The following STAMBPL1 variants were observed in gnomAD, a reference collection of about 807,000 sequenced individuals.
STAMBPL1 encodes the protein STAM binding protein like 1.
Under a neutral mutation model 52.9 loss-of-function variants are expected in STAMBPL1, and 44 were observed. That is an observed-to-expected ratio of 0.83 (90% CI 0.65 to 1.07). The LOEUF is 1.07. Among genes scored for constraint, STAMBPL1 ranks in the 50% least tolerant of loss-of-function variants. The pLI is 0.00. For missense variants in STAMBPL1, 511 were observed against 520.8 expected (o/e 0.98, Z 0.18); for synonymous variants, 164 against 177.3 (o/e 0.92, Z 0.60).
chr10:88,891,679 A>G (rs1589353314), intron 1 of STAMBPL1, among the ~76,000 whole-genome samples: 1 of 152,158 alleles, frequency 6.6e-6, no homozygotes, highest in African/African-American at 2.4e-5. Context: ...TTGCCAAAAA[A>G]ATGCATAACT....
chr10:88,899,621 T>C (rs1423658503), intron 1 of STAMBPL1, among the ~76,000 whole-genome samples: 2 of 152,190 alleles, frequency 1.3e-5, no homozygotes, highest in Admixed American at 6.5e-5. Flanking sequence ...GCAATTCTCC[T>C]GCCTCAGCCT....
intron 1 of STAMBPL1, among the ~76,000 whole-genome samples, chr10:88,892,038 C>T (rs2133134629): frequency 6.6e-6 from 1 of 151,694 alleles, no homozygotes; most frequent in South Asian, 2.1e-4. Context: ...AAAAAGGTGT[C>T]TTATAGAATA....
At position 88,905,603 on chromosome 10, in the gene STAMBPL1, T is replaced by G. The variant is rs1265387229; in HGVS notation, c.191T>G (p.Val64Gly). 6.2e-7 allele frequency: 1 copy of G among 1,614,114 alleles called. No individual in the cohort carries two copies. The highest frequency in any genetic ancestry group is 2.2e-5 in the East Asian group (1 of 44,878). The change falls in exon 3 of 11, where the codon GTG (valine) becomes GGG (glycine). Residue 64 changes from valine (V) to glycine (G), a missense_variant. By Grantham distance (109) the Val-to-Gly change is moderately radical. Transcript: ENST00000371926. ...GTAGAGATGGAGAGGATGGCGTCTG[T>G]GTATTTGGAAGAAGGAAATTTGGAA... Reference protein sequence around the residue: ...SGVEMERMASVYLEEGNLENA... With the variant: ...SGVEMERMASGYLEEGNLENA...
chr10:88,884,543 G>A (rs1245663810), intron 1 of STAMBPL1, among the ~76,000 whole-genome samples: 1 of 152,170 alleles, frequency 6.6e-6, no homozygotes, highest in Non-Finnish European at 1.5e-5. Context: ...CATTGAGATG[G>A]AGAAAAGAAA....
intron 8 of STAMBPL1, 115 bp from the exon 9 acceptor site, chr10:88,921,168 C>T (rs954647123): frequency 2.7e-6 from 2 of 734,406 alleles, no homozygotes; most frequent in Middle Eastern, 2.8e-4. Context: ...TTTAAAAATC[C>T]TTATTTGATT....
At chr10:88,889,844 T>A (rs1347013254) in intron 1 of STAMBPL1, among the ~76,000 whole-genome samples, 1 of 152,230 alleles carries the variant, frequency 6.6e-6, no homozygotes, top group Non-Finnish European at 1.5e-5. Context: ...CTTTCTGGGA[T>A]CATACATTGA....
At chr10:88,917,118 G>C (rs899659840) in intron 8 of STAMBPL1, among the ~76,000 whole-genome samples, 36 of 152,224 alleles carry the variant, frequency 2.4e-4, no homozygotes, top group African/African-American at 8.4e-4. Flanking sequence ...AAAAGACATA[G>C]AAAGAAAGCG....
intron 5 of STAMBPL1, 70 bp downstream of exon 5, chr10:88,911,081 G>T: frequency 5.9e-6 from 6 of 1,025,370 alleles, no homozygotes; most frequent in Non-Finnish European, 8.4e-6. Flanking sequence ...TCATTTTTAT[G>T]TGATGAGTTT....
chr10:88,912,957 C>A (rs1845264342), intron 5 of STAMBPL1, 144 bp from the exon 6 acceptor site: 3 of 724,852 alleles, frequency 4.1e-6, no homozygotes, highest in Non-Finnish European at 7.0e-6. Context: ...TTATGTATTT[C>A]TCTCACTGTT....
intron 6 of STAMBPL1, among the ~76,000 whole-genome samples, chr10:88,914,221 C>G (rs943256490): frequency 1.3e-5 from 2 of 152,112 alleles, no homozygotes; most frequent in African/African-American, 2.4e-5. Context: ...TTCTATGCAG[C>G]CTATGCATTT....
intron 9 of STAMBPL1, among the ~76,000 whole-genome samples, 156 bp downstream of exon 9, chr10:88,921,551 G>A (rs1045988359): frequency 4.5e-4 from 68 of 152,298 alleles, no homozygotes; most frequent in African/African-American, 1.6e-3. Context: ...TAGACCTATA[G>A]CTCTGCAGTT....
intron 3 of STAMBPL1, among the ~76,000 whole-genome samples, chr10:88,906,105 C>T (rs1432938594): frequency 2.0e-5 from 3 of 152,132 alleles, no homozygotes; most frequent in Non-Finnish European, 4.4e-5. Context: ...TTGGGAGACA[C>T]AGGAAAGATC....
intron 10 of STAMBPL1, among the ~76,000 whole-genome samples, chr10:88,922,776 C>A (rs780009795): frequency 1.6e-4 from 25 of 151,994 alleles, no homozygotes; most frequent in Non-Finnish European, 2.8e-4. Flanking sequence ...TGCATGAATT[C>A]TTTCTGCTTG....
chr10:88,892,454 G>A (rs563362302), intron 1 of STAMBPL1, among the ~76,000 whole-genome samples: 1 of 152,188 alleles, frequency 6.6e-6, no homozygotes, highest in East Asian at 1.9e-4. Context: ...AGGGAACATG[G>A]CATCCAAATC....
chr10:88,901,528 A>G (rs1267679039), intron 1 of STAMBPL1, 128 bp from the exon 2 acceptor site: 2 of 456,134 alleles, frequency 4.4e-6, no homozygotes, highest in African/African-American at 4.1e-5. Flanking sequence ...GTCTCTCTAA[A>G]CACTCAGGTT....
chr10:88,923,412 G>T lies in STAMBPL1; in HGVS notation c.*188G>T, dbSNP rs1845564741. The T allele has an allele frequency of 7.5e-7, 1 of 1,332,478 alleles. No individual in the cohort carries two copies. The highest frequency in any genetic ancestry group is 9.6e-7 in the Non-Finnish European group (1 of 1,046,872). The allele number at this position is 1,332,478 out of a possible 1,614,324, so 82.5% of individuals were successfully genotyped here. A position where few individuals can be genotyped will look rare whatever the true frequency, so the allele number is the denominator to read the frequency against. ...TTTTGGGTTGCTCTGTGTCAAGAGA[G>T]GTTACATGGTGTTAAATCGGTACCT... is the stretch of plus-strand genomic sequence containing the variant. On this transcript the variant is annotated 3_prime_UTR_variant, in exon 11 of 11. Coordinates refer to ENST00000371926, the MANE Select transcript of STAMBPL1 (RefSeq NM_020799.4).
chr10:88,880,873 C>T (rs1382000994), intron 1 of STAMBPL1, among the ~76,000 whole-genome samples: 2 of 152,214 alleles, frequency 1.3e-5, no homozygotes, highest in African/African-American at 4.8e-5. Flanking sequence ...TCCGCTGGGC[C>T]CTCTGGGTTA....
intron 1 of STAMBPL1, chr10:88,882,455 C>G (rs757655322): frequency 6.6e-6 from 1 of 152,204 alleles, no homozygotes. Flanking sequence ...TCATTTCCTT[C>G]CTTTAGGACC....
Position 88,901,731 on chromosome 10 carries a change from A to G in STAMBPL1, c.23A>G (p.Asn8Ser). The G allele has an allele frequency of 6.2e-7, 1 of 1,612,686 alleles. No homozygotes were observed. The highest frequency in any genetic ancestry group is 8.5e-7 in the Non-Finnish European group (1 of 1,179,406). ...AACATGGATCAGCCTTTTACTGTGA[A>G]TTCTCTGGTAGGTCACACCAGCTGA... MDQPFTV[N>S]SLKKLAAMPD... The change falls in exon 2 of 11, where the codon AAT becomes AGT. Residue 8 changes from asparagine (N) to serine (S), a missense_variant. Transcript: ENST00000371926.
Sources: gnomAD v4.1 joint callset for allele counts (sites outside exome capture counted in the v4.1 genomes callset) on GRCh38, gnomAD v4.1.1 for gene constraint, MANE v1.5 for transcripts, NCBI Gene and HGNC (gene_info 2026-07-23, HGNC 2026-07-21) for gene names.